The following PLB1 variants were observed in gnomAD, a reference collection of about 807,000 sequenced individuals.
PLB1 encodes phospholipase B1, membrane-associated.
PLB1 carries 242 observed loss-of-function variants against 227.4 expected under a neutral mutation model. The ratio of observed to expected loss-of-function variants is 1.06; its 90% CI spans 0.96 to 1.18. The LOEUF (loss-of-function observed/expected upper bound fraction) is 1.18. Among genes scored for constraint, PLB1 ranks in the 50% most tolerant of loss-of-function variants. PLB1 has a pLI of 0.00. For missense variants in PLB1, 1,858 were observed against 1,816.3 expected (o/e 1.02, Z -0.42); for synonymous variants, 757 against 682.2 (o/e 1.11, Z -1.71).
At chr2:28,603,906 G>A in intron 39 of PLB1, 60 bp from the exon 40 acceptor site, 1 of 1,521,112 alleles carries the variant, frequency 6.6e-7, no homozygotes, top group Non-Finnish European at 9.1e-7. Flanking sequence ...TGGGCAATCA[G>A]AACCAGCCCC....
At chr2:28,628,751 CAGGG>C (rs1344789853) in intron 52 of PLB1, 123 bp downstream of exon 52, 1 of 966,040 alleles carries the variant, frequency 1.0e-6, no homozygotes, top group African/African-American at 1.6e-5. Context: ...ACCTGGATGG[CAGGG>C]AGGGAGGTGG....
intron 1 of PLB1, among the ~76,000 whole-genome samples, chr2:28,506,309 A>T (rs1667630714): frequency 6.6e-6 from 1 of 152,192 alleles, no homozygotes; most frequent in African/African-American, 2.4e-5. Flanking sequence ...GAGGAATCTC[A>T]TGTGGGAGGT....
intron 28 of PLB1, 57 bp from the exon 29 acceptor site, chr2:28,589,948 A>C: frequency 6.5e-7 from 1 of 1,528,072 alleles, no homozygotes; most frequent in Middle Eastern, 1.7e-4. Context: ...CTGCGTCCTG[A>C]GCTTTCCATT....
intron 1 of PLB1, among the ~76,000 whole-genome samples, chr2:28,511,093 G>T (rs1668205065): frequency 6.6e-6 from 1 of 152,096 alleles, no homozygotes; most frequent in African/African-American, 2.4e-5. Context: ...ATATAAATCA[G>T]TACTTTTACC....
At chr2:28,523,705 G>C (rs1051406317) in intron 4 of PLB1, among the ~76,000 whole-genome samples, 1 of 152,174 alleles carries the variant, frequency 6.6e-6, no homozygotes, top group Non-Finnish European at 1.5e-5. Flanking sequence ...CATTTGCAGG[G>C]GAGGGGTGAT....
At chr2:28,578,024 A>T in intron 21 of PLB1, 83 bp from the exon 22 acceptor site, 1 of 1,376,918 alleles carries the variant, frequency 7.3e-7, no homozygotes, top group South Asian at 1.2e-5. Context: ...TTCCTCCACC[A>T]TACATTTGAT....
At chr2:28,571,063 G>A (rs1677931807) in intron 20 of PLB1, among the ~76,000 whole-genome samples, 1 of 152,134 alleles carries the variant, frequency 6.6e-6, no homozygotes. Context: ...TTAAAGATGA[G>A]ATGATATTAT....
rs1297836064 is a variant in PLB1 at position 28,639,070 on chromosome 2, A to G, written c.4099-1857A>G. ...GTGACAGGGCAAGATTCCATCTAAAAAAAAAAAAAAAGCCACTACAGGATC... is the reference window on the plus strand; with the variant it reads ...GTGACAGGGCAAGATTCCATCTAAAGAAAAAAAAAAAGCCACTACAGGATC... On this transcript the variant is annotated intron_variant, in intron 56 of 57. Transcript: ENST00000327757. Among the ~76,000 whole-genome samples the G allele has an allele frequency of 5.3e-5, 8 of 149,782 alleles. 1 individual carries two copies. Among genetic ancestry groups the G allele is most frequent in the Non-Finnish European group, 8.9e-5 (6 of 67,154 alleles).
intron 57 of PLB1, among the ~76,000 whole-genome samples, chr2:28,641,259 C>A (rs751634445): frequency 6.6e-6 from 1 of 152,162 alleles, no homozygotes; most frequent in Non-Finnish European, 1.5e-5. Flanking sequence ...TGAGCACTGG[C>A]GGGTGTCTCG....
At chr2:28,552,897 T>C in intron 16 of PLB1, 31 bp from the exon 17 acceptor site, 1 of 1,603,420 alleles carries the variant, frequency 6.2e-7, no homozygotes, top group Non-Finnish European at 8.5e-7. Flanking sequence ...AAAAATCCAT[T>C]TTCCTTATTT....
chr2:28,512,688 CTTT>C (rs34213887), intron 1 of PLB1, among the ~76,000 whole-genome samples: 2 of 143,140 alleles, frequency 1.4e-5, no homozygotes, highest in African/African-American at 5.1e-5. Context: ...TTTCTTTCTT[CTTT>C]TTTTTTTTTT....
intron 1 of PLB1, among the ~76,000 whole-genome samples, chr2:28,514,381 T>C (rs1668601660): frequency 6.6e-6 from 1 of 152,098 alleles, no homozygotes; most frequent in Admixed American, 6.5e-5. Context: ...ATCAGTCTTC[T>C]AACTTTGTTC....
intron 20 of PLB1, 95 bp downstream of exon 20, chr2:28,566,934 C>T (rs1677039498): frequency 3.5e-6 from 5 of 1,441,312 alleles, no homozygotes. Context: ...GGGAGGAGCC[C>T]CGGCTGCAGG....
intron 15 of PLB1, 152 bp from the exon 16 acceptor site, chr2:28,549,858 A>G: frequency 6.8e-6 from 4 of 585,512 alleles, no homozygotes; most frequent in Non-Finnish European, 1.2e-5. Flanking sequence ...TTCAGGGACC[A>G]GAGAGAAGAG....
At position 28,632,113 on chromosome 2, in the gene PLB1, C is replaced by T. The variant is rs1688710572; in HGVS notation, c.3975C>T (p.Phe1325=). 2 of 1,614,022 alleles carry T rather than the reference C, an allele frequency of 1.2e-6. No individual in the cohort carries two copies. Among genetic ancestry groups the T allele is most frequent in the Non-Finnish European group, 1.7e-6 (2 of 1,179,884 alleles). The change falls in exon 55 of 58, where the codon TTC becomes TTT. Residue 1325 remains phenylalanine, a synonymous_variant. Transcript: ENST00000327757. ...TTGCGGTTGTGGTGCAGCCTTTCTT[C>T]CAAAACACACTCACCCCACTGAACG... ...EDFAVVVQPF[F]QNTLTPLNER...
chr2:28,576,147 C>A (rs1451427584), intron 21 of PLB1, among the ~76,000 whole-genome samples: 3 of 152,208 alleles, frequency 2.0e-5, no homozygotes, highest in Non-Finnish European at 1.5e-5. Flanking sequence ...TGCAAGCAAT[C>A]CAAGCACATC....
At chr2:28,554,118 CT>C (rs1407264656) in intron 17 of PLB1, among the ~76,000 whole-genome samples, 1 of 152,182 alleles carries the variant, frequency 6.6e-6, no homozygotes, top group African/African-American at 2.4e-5. Context: ...CACATTTAGT[CT>C]TTATTTCCCC....
chr2:28,591,067 CTG>C, intron 29 of PLB1, 64 bp from the exon 30 acceptor site: 1 of 1,596,262 alleles, frequency 6.3e-7, no homozygotes, highest in Non-Finnish European at 8.6e-7. Context: ...CGACACTTAA[CTG>C]AGTGCTGACA....
chr2:28,566,904 C>G lies in PLB1; in HGVS notation c.1324+65C>G, dbSNP rs371131114. The G allele has an allele frequency of 1.3e-3, 2,088 of 1,583,428 alleles. 29 individuals are homozygous for G. In the African/African-American group the frequency reaches 0.025, roughly 19 times the overall value. On this transcript the variant is annotated intron_variant, in intron 20 of 57. Coordinates refer to ENST00000327757, the MANE Select transcript of PLB1 (RefSeq NM_153021.5). ...GGCCCCTGCACGCTTCCCGCTCCCC[C>G]TGCAGGTGGCGCGGGCCTCGGGAGG... is the stretch of plus-strand genomic sequence containing the variant.
Sources: allele counts gnomAD v4.1 joint callset (sites outside exome capture counted in the v4.1 genomes callset), GRCh38; gene constraint gnomAD v4.1.1; transcripts MANE v1.5; gene names NCBI Gene and HGNC (gene_info 2026-07-23, HGNC 2026-07-21).